The following RGS7 variants were observed in gnomAD, a reference collection of about 807,000 sequenced individuals.
The protein encoded by RGS7 is regulator of G protein signaling 7, also known as regulator of G-protein signaling 7.
RGS7 carries 27 observed loss-of-function variants against 81.1 expected under a neutral mutation model. That is an observed-to-expected ratio of 0.33 (90% CI 0.25 to 0.46). RGS7 has a LOEUF of 0.46. RGS7 is among the 20% of genes least tolerant of loss of function. RGS7 has a pLI of 1.00. For missense variants in RGS7, 396 were observed against 607.4 expected (o/e 0.65, Z 3.66); for synonymous variants, 208 against 207.7 (o/e 1.00, Z -0.01).
chr1:241,018,810 A>G (rs2059400486), intron 3 of RGS7, among the ~76,000 whole-genome samples: 1 of 151,904 alleles, frequency 6.6e-6, no homozygotes, highest in African/African-American at 2.4e-5. Context: ...AGTGTTCTCA[A>G]TCCATTTCCT....
In RGS7 at chr1:241,191,609, C is replaced by T. The variant is rs184126856; in HGVS notation, c.79-92847G>A. 5.9e-5 allele frequency among the ~76,000 whole-genome samples: 9 copies of T among 152,236 alleles called. No homozygotes were observed. The East Asian group carries it at 1.7e-3, about 29-fold the overall frequency. ...CCTTTGGTTTTGGTTCAAGGTAATA[C>T]TACTTCATAAAATGATTTGAGAGGT... On this transcript the variant is annotated intron_variant, in intron 2 of 18. Transcript: ENST00000440928.
At chr1:240,865,115 G>A (rs1662996013) in intron 9 of RGS7, among the ~76,000 whole-genome samples, 1 of 152,144 alleles carries the variant, frequency 6.6e-6, no homozygotes, top group African/African-American at 2.4e-5. Context: ...AACACTGCAA[G>A]GTAGGTAGAT....
intron 3 of RGS7, among the ~76,000 whole-genome samples, chr1:241,003,586 G>T (rs2058531657): frequency 6.6e-6 from 1 of 151,990 alleles, no homozygotes; most frequent in Non-Finnish European, 1.5e-5. Context: ...AAGGATAATG[G>T]AATTCCATCA....
chr1:240,901,368 C>T (rs1287829960), intron 6 of RGS7, among the ~76,000 whole-genome samples: 1 of 152,196 alleles, frequency 6.6e-6, no homozygotes, highest in Non-Finnish European at 1.5e-5. Context: ...TCTTCTGCGT[C>T]GCTCATGCTG....
At chr1:241,209,391 G>A (rs1345912799) in intron 2 of RGS7, among the ~76,000 whole-genome samples, 1 of 152,154 alleles carries the variant, frequency 6.6e-6, no homozygotes, top group Non-Finnish European at 1.5e-5. Flanking sequence ...ATCCCCATGA[G>A]AATGGATGGG....
intron 9 of RGS7, among the ~76,000 whole-genome samples, chr1:240,862,218 T>C (rs912552665): frequency 6.6e-6 from 1 of 152,186 alleles, no homozygotes; most frequent in Non-Finnish European, 1.5e-5. Flanking sequence ...TATTAAGTAC[T>C]AGAATGATTA....
chr1:240,919,971 T>C, intron 6 of RGS7: 1 of 1,356,630 alleles, frequency 7.4e-7, no homozygotes, highest in South Asian at 1.2e-5. Context: ...GAAAAACATA[T>C]TTGTTGGTGG....
intron 3 of RGS7, among the ~76,000 whole-genome samples, chr1:241,073,309 G>A (rs2062590600): frequency 1.3e-5 from 2 of 152,114 alleles, no homozygotes; most frequent in Non-Finnish European, 2.9e-5. Context: ...TAACTCTACT[G>A]GCCAGTTTTC....
chr1:241,052,658 G>T (rs2061312239), intron 3 of RGS7, among the ~76,000 whole-genome samples: 1 of 151,946 alleles, frequency 6.6e-6, no homozygotes, highest in Admixed American at 6.6e-5. Flanking sequence ...GAGTTGATTT[G>T]GCCTTAAGGA....
chr1:240,951,122 A>G (rs892610453), intron 4 of RGS7, among the ~76,000 whole-genome samples: 7 of 152,198 alleles, frequency 4.6e-5, no homozygotes, highest in Middle Eastern at 3.4e-3. Flanking sequence ...GTCTCACCAC[A>G]TTGCCCAGTC....
intron 4 of RGS7, among the ~76,000 whole-genome samples, chr1:240,938,665 T>C (rs1677043425): frequency 6.6e-6 from 1 of 152,216 alleles, no homozygotes; most frequent in African/African-American, 2.4e-5. Flanking sequence ...TTGCCGATAA[T>C]AAAGAACAAC....
intron 1 of RGS7, among the ~76,000 whole-genome samples, 163 bp from the exon 2 acceptor site, chr1:241,355,989 C>A (rs578093972): frequency 6.6e-6 from 1 of 152,192 alleles, no homozygotes; most frequent in Non-Finnish European, 1.5e-5. Flanking sequence ...TTGACACCTA[C>A]AATAACCTCA....
At chr1:241,212,807 T>C (rs569214707) in intron 2 of RGS7, among the ~76,000 whole-genome samples, 1 of 152,310 alleles carries the variant, frequency 6.6e-6, no homozygotes, top group Admixed American at 6.5e-5. Flanking sequence ...CGCGTTGTTG[T>C]AGGACAGCTT....
In RGS7 at chr1:241,153,938, ATCTG is replaced by A. The variant is rs765896251; in HGVS notation, c.79-55180_79-55177del. Among the ~76,000 whole-genome samples, 6 of 152,338 alleles carry A rather than the reference ATCTG, an allele frequency of 3.9e-5. No homozygotes were observed. In the South Asian group the frequency reaches 1.2e-3, roughly 32 times the overall value. On this transcript the variant is annotated intron_variant, in intron 2 of 18. Transcript: ENST00000440928. ...GCACAAAATCAAGGACTAAATGCTT[ATCTG>A]TCTATTTTTTGAGTTCTGTAAAGTG...
At chr1:241,080,038 A>T (rs1483590657) in intron 3 of RGS7, among the ~76,000 whole-genome samples, 1 of 152,196 alleles carries the variant, frequency 6.6e-6, no homozygotes, top group Non-Finnish European at 1.5e-5. Context: ...CAAATTTGCA[A>T]TATTGCCTCT....
chr1:241,104,356 T>A (rs769654040), intron 2 of RGS7, among the ~76,000 whole-genome samples: 1 of 152,330 alleles, frequency 6.6e-6, no homozygotes, highest in South Asian at 2.1e-4. Flanking sequence ...ATACATAAGC[T>A]CTGTCTTTGA....
rs200299802 is a variant in RGS7 at position 240,864,806 on chromosome 1, G to A, written c.609+3781C>T. ...GCTGGAGGAAAAAAGAGATGGCTAT[G>A]GGAGTGGTCTTCAGAGTTATTCTGG... On this transcript the variant is annotated intron_variant, in intron 9 of 18. Coordinates refer to ENST00000440928, the MANE Select transcript of RGS7 (RefSeq NM_001364886.1). 4.6e-5 allele frequency among the ~76,000 whole-genome samples: 7 copies of A among 152,256 alleles called. No individual in the cohort carries two copies. The East Asian group carries it at 1.4e-3, about 29-fold the overall frequency.
At chr1:240,913,784 T>G (rs879841767) in intron 6 of RGS7, among the ~76,000 whole-genome samples, 43 of 151,540 alleles carry the variant, frequency 2.8e-4, no homozygotes, top group African/African-American at 1.0e-3. Context: ...GCATCTGTAA[T>G]TTTGTTTTTT....
intron 6 of RGS7, among the ~76,000 whole-genome samples, chr1:240,899,285 T>C (rs1195379753): frequency 1.3e-5 from 2 of 152,190 alleles, no homozygotes; most frequent in African/African-American, 4.8e-5. Context: ...CCCATTTACA[T>C]TTAAGGTTAA....
Sources: gnomAD v4.1 joint callset for allele counts (sites outside exome capture counted in the v4.1 genomes callset) on GRCh38, gnomAD v4.1.1 for gene constraint, MANE v1.5 for transcripts, NCBI Gene and HGNC (gene_info 2026-07-23, HGNC 2026-07-21) for gene names.